Variants in SECISBP2 observed in about 807,000 individuals in gnomAD.
SECISBP2 encodes SECIS binding protein 2.
Under a neutral mutation model 98.2 loss-of-function variants are expected in SECISBP2, and 96 were observed. The observed-to-expected ratio is 0.98, with a 90% CI of 0.83 to 1.16. SECISBP2 has a LOEUF of 1.16. Among genes scored for constraint, SECISBP2 ranks in the 50% most tolerant of loss-of-function variants. The pLI is 0.00. For missense variants in SECISBP2, 1,046 were observed against 1,022.9 expected, an observed-to-expected ratio of 1.02 and a Z score of -0.31; for synonymous variants, 407 against 370.2, an observed-to-expected ratio of 1.10 and a Z score of -1.14.
Position 89,348,069 on chromosome 9 carries a change from A to T in SECISBP2, c.1603-10A>T. On this transcript the variant is annotated splice_polypyrimidine_tract_variant and intron_variant, in intron 11 of 16. Transcript: ENST00000375807. The stretch of plus-strand genomic sequence containing the variant: ...ATTTAGGCATTTTAATTGTTTATTT[A>T]ATTTTTAAGATTATTTTGAAAGAAC... The T allele has an allele frequency of 6.2e-7, 1 of 1,608,106 alleles. No individual in the cohort carries two copies. Among genetic ancestry groups the T allele is most frequent in the Non-Finnish European group, 8.5e-7 (1 of 1,175,478 alleles).
At chr9:89,319,247 A>G (rs1352620110) in intron 1 of SECISBP2, among the ~76,000 whole-genome samples, 1 of 152,228 alleles carries the variant, frequency 6.6e-6, no homozygotes, top group African/African-American at 2.4e-5. Flanking sequence ...AGAAAATGTA[A>G]TGGAAATAAA....
chr9:89,318,850 CA>C, intron 1 of SECISBP2: 1 of 1,267,560 alleles, frequency 7.9e-7, no homozygotes, highest in Non-Finnish European at 9.9e-7. Flanking sequence ...GGTGCGATGT[CA>C]CCCAGCGCAG....
intron 2 of SECISBP2, chr9:89,324,563 G>A (rs959872730): frequency 2.6e-5 from 4 of 152,172 alleles, no homozygotes; most frequent in African/African-American, 4.8e-5. Flanking sequence ...TCTAGTAAGC[G>A]GTGCTTATGC....
In SECISBP2 at chr9:89,318,926, C is replaced by T. The variant is rs76380231; in HGVS notation, c.36+314C>T. 6.1e-3 allele frequency: 7,423 copies of T among 1,211,114 alleles called. 377 individuals are homozygous for T. In the African/African-American group the frequency reaches 0.11, roughly 17 times the overall value. The allele number at this position is 1,211,114 out of a possible 1,614,324, so 75.0% of individuals were successfully genotyped here. ...GGGGGACTCTGGCGAGCTTCCCGCG[C>T]TCTTGGGAACGGATAGATTGTTTTA... is the stretch of plus-strand genomic sequence containing the variant. On this transcript the variant is annotated intron_variant, in intron 1 of 16. Coordinates refer to ENST00000375807, the MANE Select transcript of SECISBP2 (RefSeq NM_024077.5).
At chr9:89,360,114 C>CT (rs1832653331), downstream of SECISBP2, among the ~76,000 whole-genome samples, 1 of 152,186 alleles carries the variant, frequency 6.6e-6, no homozygotes, top group Non-Finnish European at 1.5e-5. Flanking sequence ...ATCTGTGGAG[C>CT]TCACAGTGAC....
Position 89,338,527 on chromosome 9 carries a change from A to G in SECISBP2, c.1159A>G (p.Lys387Glu), listed in dbSNP as rs553293004. ...AAGAAAGAATAAGAAAAAGAAAGAA[A>G]AATCTACATCAAAATATGAAGTCCT... ...ASRKNKKKKE[K>E]STSKYEVLTV... Residue 387 changes from lysine to glutamate, a missense_variant, in exon 8 of 17, where the codon AAA becomes GAA. Coordinates refer to ENST00000375807, the MANE Select transcript of SECISBP2 (RefSeq NM_024077.5). 6.8e-6 allele frequency: 11 copies of G among 1,613,304 alleles called. No homozygotes were observed. In the South Asian group the frequency reaches 1.2e-4, roughly 18 times the overall value.
At chr9:89,319,920 A>C (rs1394149049) in intron 2 of SECISBP2, 123 bp downstream of exon 2, 1 of 1,048,362 alleles carries the variant, frequency 9.5e-7, no homozygotes, top group Admixed American at 1.8e-5. Context: ...ATGCTCTTCA[A>C]CCAAGAAGAG....
chr9:89,367,112 G>C, the SECISBP2 span: 5 of 152,598 alleles, frequency 3.3e-5, no homozygotes, highest in Non-Finnish European at 7.3e-5. Flanking sequence ...AGATGTTAAA[G>C]AAGTACTTAC....
downstream of SECISBP2, chr9:89,363,720 G>A (rs148816887): frequency 1.2e-6 from 2 of 1,608,068 alleles, no homozygotes; most frequent in East Asian, 4.5e-5. Context: ...AAGGGTAACA[G>A]TGGGCATGGG....
chr9:89,336,573 A>G (rs1828752696), intron 7 of SECISBP2, among the ~76,000 whole-genome samples: 1 of 151,912 alleles, frequency 6.6e-6, no homozygotes, highest in Non-Finnish European at 1.5e-5. Flanking sequence ...AGTGGTGACA[A>G]TTACTGTGAA....
In SECISBP2 at chr9:89,334,613, C is replaced by G. The variant is rs147070965; in HGVS notation, c.972C>G (p.Asn324Lys). 2.5e-6 allele frequency: 4 copies of G among 1,613,716 alleles called. No individual in the cohort carries two copies. The African/African-American group carries it at 5.3e-5, about 22-fold the overall frequency. The change falls in exon 7 of 17, where the codon AAC (asparagine) becomes AAG (lysine). Residue 324 changes from asparagine (N) to lysine (K), a missense_variant. Asn to Lys is a moderately conservative substitution (Grantham distance 94). Coordinates refer to ENST00000375807, the MANE Select transcript of SECISBP2 (RefSeq NM_024077.5). ...AAPKNVTSMINLKTIASSADP... is the reference protein window; with the variant it reads ...AAPKNVTSMIKLKTIASSADP... The stretch of plus-strand genomic sequence containing the variant: ...CTAAAAATGTTACTTCTATGATAAA[C>G]TTAAAGACCATTGCTTCATCAGCAG...
the SECISBP2 span, among the ~76,000 whole-genome samples, chr9:89,366,239 A>C: frequency 5.9e-5 from 9 of 152,258 alleles, no homozygotes; most frequent in Non-Finnish European, 8.8e-5. Flanking sequence ...GTCATGGCCC[A>C]AAAATGGCTG....
chr9:89,338,609 G>A lies in SECISBP2; in HGVS notation c.1212+29G>A, dbSNP rs730880269. 1 of 1,606,452 alleles carries A rather than the reference G, an allele frequency of 6.2e-7. No individual in the cohort carries two copies. ...CATTTATATTTTTTATTCACATGGT[G>A]TGATATAATAAGTGGGTCTTTCTTA... On this transcript the variant is annotated intron_variant, in intron 8 of 16. Transcript: ENST00000375807.
chr9:89,346,970 G>C lies in SECISBP2; in HGVS notation c.1524G>C (p.Leu508Phe). ...AAATGAAGACCCCGCACAATCCCTT[G>C]GACTCCAGCGCCCCACTGATGAAGA... ...MSQMKTPHNP[L>F]DSSAPLMKKG... Residue 508 changes from leucine to phenylalanine, a missense_variant, in exon 11 of 17, where the codon TTG (leucine) becomes TTC (phenylalanine). Transcript: ENST00000375807. 6.2e-7 allele frequency: 1 copy of C among 1,614,140 alleles called. No individual in the cohort carries two copies. Among genetic ancestry groups the C allele is most frequent in the African/African-American group, 1.3e-5 (1 of 75,020 alleles).
At chr9:89,333,424 T>C (rs1828083333) in intron 6 of SECISBP2, among the ~76,000 whole-genome samples, 1 of 152,248 alleles carries the variant, frequency 6.6e-6, no homozygotes, top group Non-Finnish European at 1.5e-5. Context: ...TAAGATAGCA[T>C]ATTTTTAGGA....
Position 89,336,081 on chromosome 9 carries a change from C to CTTTTTTTTTTTTTTTTTTTTTTTTTTTTT in SECISBP2, c.1089+1378_1089+1379insTTTTTTTTTTTTTTTTTTTTTTTTTTTTT, listed in dbSNP as rs59799418. On this transcript the variant is annotated intron_variant, in intron 7 of 16. Transcript: ENST00000375807. ...TTTTTCCCTTAAGTAATTTTAAGTG[C>CTTTTTTTTTTTTTTTTTTTTTTTTTTTTT]TTTTTTTTTTTTTTTTTTTTTTTTT... Among the ~76,000 whole-genome samples, 14 of 33,058 alleles carry CTTTTTTTTTTTTTTTTTTTTTTTTTTTTT rather than the reference C, an allele frequency of 4.2e-4. 2 individuals are homozygous for CTTTTTTTTTTTTTTTTTTTTTTTTTTTTT. Among genetic ancestry groups the CTTTTTTTTTTTTTTTTTTTTTTTTTTTTT allele is most frequent in the Admixed American group, 1.9e-3 (4 of 2,094 alleles). The allele number at this position is 33,058 out of a possible 152,430, so 21.7% of individuals were successfully genotyped here. A position where few individuals can be genotyped will look rare whatever the true frequency, so the allele number is the denominator to read the frequency against.
chr9:89,335,295 A>G (rs1043545299), intron 7 of SECISBP2, among the ~76,000 whole-genome samples: 1 of 151,836 alleles, frequency 6.6e-6, no homozygotes, highest in Non-Finnish European at 1.5e-5. Flanking sequence ...GGAAAAAGAG[A>G]TGTGCATCAC....
At chr9:89,329,898 A>G (rs1221672172) in intron 5 of SECISBP2, 2 of 152,224 alleles carry the variant, frequency 1.3e-5, no homozygotes, top group South Asian at 2.1e-4. Context: ...ACTTTTTCCA[A>G]TATAGAAAAA....
intron 6 of SECISBP2, 144 bp from the exon 7 acceptor site, chr9:89,334,378 A>C: frequency 1.2e-6 from 1 of 849,222 alleles, no homozygotes; most frequent in South Asian, 1.5e-5. Flanking sequence ...AGTGACTACT[A>C]TAGTTTCCAA....
Sources: gnomAD v4.1 joint callset for allele counts (sites outside exome capture counted in the v4.1 genomes callset) on GRCh38, gnomAD v4.1.1 for gene constraint, MANE v1.5 for transcripts, NCBI Gene and HGNC (gene_info 2026-07-23, HGNC 2026-07-21) for gene names.